CDC42EP4: variants seen among roughly 807,000 people sequenced by gnomAD.
CDC42EP4 encodes the protein CDC42 effector protein (Rho GTPase binding) 4.
Under a neutral mutation model 5.6 loss-of-function variants are expected in CDC42EP4, and 6 were observed. That is an observed-to-expected ratio of 1.07 (90% CI 0.59 to 2.12). CDC42EP4 has a LOEUF of 2.12. Ranked by LOEUF, CDC42EP4 falls within the 30% of genes most tolerant of loss-of-function variation. The pLI is 0.00. For synonymous variants in CDC42EP4, 230 were observed against 224.2 expected (o/e 1.03, Z -0.23); for missense variants, 490 against 508.6 (o/e 0.96, Z 0.35).
At position 73,286,189 on chromosome 17, in the gene CDC42EP4, G is replaced by T. The variant is rs762803222; in HGVS notation, c.312C>A (p.Gly104=). ...CAAACAGGGCCGAGTCCCGCAGGGAGCCCAGCATGTCACGCTGCTCCCGCT... is the reference window on the plus strand; with the variant it reads ...CAAACAGGGCCGAGTCCCGCAGGGATCCCAGCATGTCACGCTGCTCCCGCT... ...RGEREQRDML[G]SLRDSALFVK... The change falls in exon 2 of 2, where the codon GGC becomes GGA. Residue 104 remains glycine, a synonymous_variant. Coordinates refer to ENST00000335793, the MANE Select transcript of CDC42EP4 (RefSeq NM_012121.5). This position sits in a 1 kb window ranked among gnomAD's most constrained non-coding sequence, Gnocchi z 7.7. The T allele has an allele frequency of 6.2e-7, 1 of 1,614,144 alleles. No individual in the cohort carries two copies. The highest frequency in any genetic ancestry group is 1.1e-5 in the South Asian group (1 of 91,086).
chr17:73,306,356 G>A (rs551090319), intron 1 of CDC42EP4, among the ~76,000 whole-genome samples: 1 of 151,332 alleles, frequency 6.6e-6, no homozygotes, highest in Non-Finnish European at 1.5e-5. Context: ...AATTAAATTA[G>A]CCAGGCATGG....
intron 1 of CDC42EP4, among the ~76,000 whole-genome samples, chr17:73,298,636 C>A (rs2145319626): frequency 6.6e-6 from 1 of 152,350 alleles, no homozygotes; most frequent in East Asian, 1.9e-4. Flanking sequence ...CCACCACTGA[C>A]CGCCAAGCTG....
chr17:73,310,262 C>G (rs1483097823), intron 1 of CDC42EP4: 1 of 152,230 alleles, frequency 6.6e-6, no homozygotes, highest in Non-Finnish European at 1.5e-5. Context: ...GCCTCAGAAG[C>G]GGGCGGGGGC....
chr17:73,303,128 G>A (rs1193499939), intron 1 of CDC42EP4, among the ~76,000 whole-genome samples: 2 of 150,662 alleles, frequency 1.3e-5, no homozygotes, highest in African/African-American at 4.9e-5. Flanking sequence ...CGGATCACCT[G>A]AGGTTGGGAG....
chr17:73,291,250 G>A (rs761942164), intron 1 of CDC42EP4, among the ~76,000 whole-genome samples: 1 of 152,156 alleles, frequency 6.6e-6, no homozygotes, highest in Non-Finnish European at 1.5e-5. Context: ...GCAAGGAAGG[G>A]TCCTGAGAGA....
intron 1 of CDC42EP4, among the ~76,000 whole-genome samples, chr17:73,289,839 A>AAGGAAAGGAAGAGAAGAAAGG (rs1310594219): frequency 2.6e-5 from 4 of 151,854 alleles, no homozygotes; most frequent in Non-Finnish European, 4.4e-5. Context: ...GAAAGAAGGA[A>AAGGAAAGGAAGAGAAGAAAGG]AGGAAAGGAA....
rs1476902702 is a variant in CDC42EP4 at position 73,300,730 on chromosome 17, TACACATAAAAATAA to T, written c.-113+11149_-113+11162del. Among the ~76,000 whole-genome samples the T allele has an allele frequency of 9.9e-5, 15 of 152,238 alleles. No homozygotes were observed. The South Asian group carries it at 1.9e-3, about 19-fold the overall frequency. On this transcript the variant is annotated intron_variant, in intron 1 of 1. Coordinates refer to ENST00000335793, the MANE Select transcript of CDC42EP4 (RefSeq NM_012121.5). ...ACTATACTTGCACTCCTTATATTTA[TACACATAAAAATAA>T]ACACACAAAAATAAAAAATAGGCAG... is the stretch of plus-strand genomic sequence containing the variant.
intron 1 of CDC42EP4, chr17:73,306,552 T>C (rs1365378266): frequency 6.6e-6 from 1 of 152,116 alleles, no homozygotes; most frequent in Non-Finnish European, 1.5e-5. Context: ...CCCAATAAAA[T>C]ATAATCTGAT....
chr17:73,303,043 CAA>C (rs554983651), intron 1 of CDC42EP4, among the ~76,000 whole-genome samples: 1 of 116,838 alleles, frequency 8.6e-6, no homozygotes. Flanking sequence ...GACTCCGTCT[CAA>C]AAAAAAAAAG....
chr17:73,300,617 G>A (rs1599438782), intron 1 of CDC42EP4, among the ~76,000 whole-genome samples: 1 of 152,114 alleles, frequency 6.6e-6, no homozygotes, highest in South Asian at 2.1e-4. Context: ...GGGATGAGAA[G>A]TTACTTAATG....
At chr17:73,308,270 C>T (rs1044283982) in intron 1 of CDC42EP4, among the ~76,000 whole-genome samples, 3 of 152,274 alleles carry the variant, frequency 2.0e-5, no homozygotes, top group Admixed American at 6.5e-5. Flanking sequence ...CTTTTCCTCA[C>T]GGTCGGGAAA....
intron 1 of CDC42EP4, among the ~76,000 whole-genome samples, chr17:73,302,130 G>A (rs926569859): frequency 2.0e-5 from 3 of 152,148 alleles, no homozygotes; most frequent in Non-Finnish European, 2.9e-5. Flanking sequence ...TACTGCACCC[G>A]GCCAGCAGGC....
chr17:73,307,533 C>T (rs573266091), intron 1 of CDC42EP4, among the ~76,000 whole-genome samples: 6 of 151,310 alleles, frequency 4.0e-5, no homozygotes, highest in South Asian at 4.2e-4. Context: ...CTGCAAGCTC[C>T]GCCTCCCGGG....
In CDC42EP4 at chr17:73,285,525, G is replaced by A. The variant is rs372077591; in HGVS notation, c.976C>T (p.Arg326Trp). Reference sequence around the variant, plus strand: ...GCAGCCCGGGCCCTGTCCGGCCCCCGGAAGGCAGGGCTGCGCTCCTCCAGG... The same window carrying A: ...GCAGCCCGGGCCCTGTCCGGCCCCCAGAAGGCAGGGCTGCGCTCCTCCAGG... ...GILEERSPAF[R>W]GPDRARAAVS... is the part of the protein sequence containing the mutation. The change falls in exon 2 of 2, where the codon CGG (arginine) becomes TGG (tryptophan). Residue 326 changes from arginine to tryptophan, a missense_variant. Coordinates refer to ENST00000335793, the MANE Select transcript of CDC42EP4 (RefSeq NM_012121.5). This position sits in a 1 kb window ranked among gnomAD's most constrained non-coding sequence, Gnocchi z 6.8. 30 of 1,610,378 alleles carry A rather than the reference G, an allele frequency of 1.9e-5. No individual in the cohort carries two copies. Among genetic ancestry groups the A allele is most frequent in the Admixed American group, 3.3e-5 (2 of 59,934 alleles).
At chr17:73,293,936 G>T (rs918643064) in intron 1 of CDC42EP4, among the ~76,000 whole-genome samples, 2 of 152,138 alleles carry the variant, frequency 1.3e-5, no homozygotes, top group African/African-American at 4.8e-5. Flanking sequence ...GTATTCTTGG[G>T]GATCTTTTAA....
chr17:73,305,144 C>T lies in CDC42EP4; in HGVS notation c.-113+6749G>A, dbSNP rs149569665. 3.8e-3 allele frequency among the ~76,000 whole-genome samples: 576 copies of T among 152,302 alleles called. 7 individuals are homozygous for T. The highest frequency in any genetic ancestry group is 0.013 in the African/African-American group (555 of 41,562). The stretch of plus-strand genomic sequence containing the variant: ...GGAAGCAACAACGGAGGAGTCAAGA[C>T]GAAGAGGAGCCAGTGACTCAAGGAC... On this transcript the variant is annotated intron_variant, in intron 1 of 1. Transcript: ENST00000335793.
At chr17:73,292,381 A>G (rs796385085) in intron 1 of CDC42EP4, among the ~76,000 whole-genome samples, 31 of 152,232 alleles carry the variant, frequency 2.0e-4, no homozygotes, top group African/African-American at 7.2e-4. Flanking sequence ...CTCATCATCC[A>G]GTCACTCACT....
intron 1 of CDC42EP4, among the ~76,000 whole-genome samples, chr17:73,293,478 G>A (rs968331743): frequency 1.3e-5 from 2 of 152,222 alleles, no homozygotes; most frequent in African/African-American, 4.8e-5. Context: ...TCCAGGGGCA[G>A]CCTCTGGTCC....
chr17:73,295,514 C>T (rs1255116524), intron 1 of CDC42EP4, among the ~76,000 whole-genome samples: 1 of 152,172 alleles, frequency 6.6e-6, no homozygotes, highest in African/African-American at 2.4e-5. Flanking sequence ...AACTCTGATC[C>T]AAGAGCTGCT....
Sources: gnomAD v4.1 joint callset for allele counts (sites outside exome capture counted in the v4.1 genomes callset) on GRCh38, gnomAD v4.1.1 for gene constraint, Gnocchi (gnomAD v3.1) non-coding constraint, MANE v1.5 for transcripts, NCBI Gene and HGNC (gene_info 2026-07-23, HGNC 2026-07-21) for gene names.